Variants in FAM149A observed in about 807,000 individuals in gnomAD.
The protein encoded by FAM149A is protein FAM149A.
FAM149A carries 71 observed loss-of-function variants against 78.2 expected under a neutral mutation model. The observed-to-expected ratio is 0.91, with a 90% CI of 0.75 to 1.11. FAM149A has a LOEUF of 1.11. FAM149A is among the 50% of genes least tolerant of loss of function. The pLI is 0.00. For synonymous variants in FAM149A, 446 were observed against 410.5 expected (o/e 1.09, Z -1.04); for missense variants, 1,036 against 971.0 (o/e 1.07, Z -0.89).
intron 5 of FAM149A, 102 bp from the exon 6 acceptor site, chr4:186,154,366 T>C: frequency 1.0e-6 from 1 of 972,012 alleles, no homozygotes. Context: ...GAGGGGGGGA[T>C]TCTGTACTTT....
At chr4:186,150,173 T>C (rs933286821) in intron 3 of FAM149A, among the ~76,000 whole-genome samples, 2 of 152,108 alleles carry the variant, frequency 1.3e-5, no homozygotes, top group African/African-American at 2.4e-5. Flanking sequence ...TGTGTGAGCC[T>C]GGGATTCTGG....
chr4:186,127,166 C>T (rs1004552204), intron 1 of FAM149A: 1 of 982,302 alleles, frequency 1.0e-6, no homozygotes, highest in African/African-American at 1.7e-5. Context: ...CTGTACACCT[C>T]TCGCCAACTC....
intron 1 of FAM149A, among the ~76,000 whole-genome samples, chr4:186,140,475 A>G (rs73027930): frequency 0.092 from 11,592 of 126,134 alleles, 896 homozygotes; most frequent in African/African-American, 0.22. Flanking sequence ...TGTAGAGACA[A>G]CGTCTCATTA....
chr4:186,170,697 T>A (rs943860106), intron 13 of FAM149A, among the ~76,000 whole-genome samples: 4 of 152,230 alleles, frequency 2.6e-5, no homozygotes, highest in Admixed American at 2.6e-4. Context: ...ACAGGAAACC[T>A]CAGGAGAAGG....
chr4:186,152,661 C>T (rs1733688024), intron 4 of FAM149A, among the ~76,000 whole-genome samples: 1 of 150,790 alleles, frequency 6.6e-6, no homozygotes, highest in African/African-American at 2.4e-5. Context: ...CCTCCTGCCT[C>T]AGCCTCCCGA....
chr4:186,162,219 G>A (rs924920048), intron 8 of FAM149A, among the ~76,000 whole-genome samples: 1 of 152,216 alleles, frequency 6.6e-6, no homozygotes, highest in Non-Finnish European at 1.5e-5. Flanking sequence ...TTACAAATCA[G>A]GAAGCAGTTA....
chr4:186,173,920 A>C lies in FAM149A; in HGVS notation c.*1933A>C, dbSNP rs2126567489. Among the ~76,000 whole-genome samples the C allele has an allele frequency of 8.9e-6, 1 of 111,776 alleles. No individual in the cohort carries two copies. The allele number at this position is 111,776 out of a possible 152,430, so 73.3% of individuals were successfully genotyped here. On this transcript the variant is annotated 3_prime_UTR_variant, in exon 14 of 14. Coordinates refer to ENST00000389354, the MANE Select transcript of FAM149A (RefSeq NM_001367768.3). Reference sequence around the variant, plus strand: ...TCTCCCACTTGAGGAATAGTTAGATATGTGAGTAGCCTGGAGCCCATGTTA... The same window carrying C: ...TCTCCCACTTGAGGAATAGTTAGATCTGTGAGTAGCCTGGAGCCCATGTTA...
Position 186,167,357 on chromosome 4 carries a change from A to G in FAM149A, c.2218+95A>G, listed in dbSNP as rs767080368. On this transcript the variant is annotated intron_variant, in intron 13 of 13. Coordinates refer to ENST00000389354, the MANE Select transcript of FAM149A (RefSeq NM_001367768.3). ...GAAGATGATCTACCTTGATAAGCCT[A>G]TTTTGCTGTAGGAGGGAATAGCAAA... is the stretch of plus-strand genomic sequence containing the variant. 9.1e-6 allele frequency: 11 copies of G among 1,210,242 alleles called. No individual in the cohort carries two copies. In the African/African-American group the frequency reaches 1.5e-4, roughly 16 times the overall value. 75.0% of individuals were successfully genotyped at this position (1,210,242 alleles called of 1,614,324 possible).
At chr4:186,110,532 T>C (rs1246788361) in intron 1 of FAM149A, among the ~76,000 whole-genome samples, 4 of 139,186 alleles carry the variant, frequency 2.9e-5, no homozygotes, top group African/African-American at 1.1e-4. Context: ...CTCCCAATGC[T>C]ATCCCTCCCC....
intron 1 of FAM149A, chr4:186,126,989 G>A: frequency 4.1e-6 from 4 of 985,396 alleles, no homozygotes; most frequent in Non-Finnish European, 3.6e-6. Context: ...GACTGGAATG[G>A]AATGGAATTT....
At position 186,163,422 on chromosome 4, in the gene FAM149A, A is replaced by C; in HGVS notation, c.1680-2A>C. 6.2e-7 allele frequency: 1 copy of C among 1,612,726 alleles called. No individual in the cohort carries two copies. Among genetic ancestry groups the C allele is most frequent in the Non-Finnish European group, 8.5e-7 (1 of 1,179,544 alleles). ...GAGTAGCTCACAGGATTTCCTTCCC[A>C]GGAATGAGAAGGAGGACAAAGCATC... On this transcript the variant is annotated splice_acceptor_variant, in intron 9 of 13. Coordinates refer to ENST00000389354, the MANE Select transcript of FAM149A (RefSeq NM_001367768.3). LOFTEE classifies it high-confidence loss of function.
At chr4:186,147,014 T>C (rs565767377) in intron 1 of FAM149A, 1 of 978,308 alleles carries the variant, frequency 1.0e-6, no homozygotes, top group East Asian at 1.1e-4. Context: ...AAAAGATCTA[T>C]ATAATACAAA....
rs1038176534 is a variant in FAM149A, at chr4:186,128,115, C to T, written c.567-21058C>T. ...AAGCAATTCTCCTGCCTCAGCCTCC[C>T]GAGTAGTTGTGGTGACAGGTGCATG... On this transcript the variant is annotated intron_variant, in intron 1 of 13. Coordinates refer to ENST00000389354, the MANE Select transcript of FAM149A (RefSeq NM_001367768.3). Among the ~76,000 whole-genome samples the T allele has an allele frequency of 6.6e-5, 10 of 151,276 alleles. 1 individual carries two copies. In the South Asian group the frequency reaches 1.3e-3, roughly 19 times the overall value.
At chr4:186,142,434 C>G (rs2099326232) in intron 1 of FAM149A, among the ~76,000 whole-genome samples, 1 of 152,198 alleles carries the variant, frequency 6.6e-6, no homozygotes, top group African/African-American at 2.4e-5. Flanking sequence ...TGTAAATGAC[C>G]TGTGGCCAGA....
chr4:186,132,015 C>T, intron 1 of FAM149A: 1 of 985,388 alleles, frequency 1.0e-6, no homozygotes, highest in East Asian at 1.1e-4. Context: ...TTCTAGCTTT[C>T]TTATTATCTC....
intron 1 of FAM149A, among the ~76,000 whole-genome samples, chr4:186,138,096 C>T (rs140357679): frequency 9.2e-5 from 14 of 152,286 alleles, no homozygotes; most frequent in African/African-American, 3.4e-4. Context: ...AGAAAAGCAG[C>T]TCCCTATTAT....
intron 8 of FAM149A, chr4:186,157,945 A>G: frequency 6.5e-6 from 10 of 1,526,740 alleles, no homozygotes; most frequent in Non-Finnish European, 8.8e-6. Flanking sequence ...GATGTGCTCA[A>G]GTTCCTTGCG....
rs61574215 is a variant in FAM149A, at chr4:186,108,878, T to C, written c.566+3236T>C. The stretch of plus-strand genomic sequence containing the variant: ...TTTTTTTTTTTTTGAGACGGAGTCT[T>C]GCTCTGTCGCCCAGGCTGGAGTGCA... On this transcript the variant is annotated intron_variant, in intron 1 of 13. Transcript: ENST00000389354. Among the ~76,000 whole-genome samples the C allele has an allele frequency of 6.2e-3, 937 of 151,300 alleles. 10 individuals are homozygous for C. Among genetic ancestry groups the C allele is most frequent in the African/African-American group, 0.02 (819 of 41,250 alleles).
chr4:186,127,720 T>G, intron 1 of FAM149A: 2 of 939,950 alleles, frequency 2.1e-6, no homozygotes, highest in South Asian at 1.0e-4. Flanking sequence ...AGTTATGCTC[T>G]TGTCACCCAG....
Sources: gnomAD v4.1 joint callset for allele counts (sites outside exome capture counted in the v4.1 genomes callset) on GRCh38, gnomAD v4.1.1 for gene constraint, MANE v1.5 for transcripts, NCBI Gene and HGNC (gene_info 2026-07-23, HGNC 2026-07-21) for gene names.